Variants in PTPRR observed in about 807,000 individuals in gnomAD.
PTPRR encodes receptor-type tyrosine-protein phosphatase R.
PTPRR carries 38 observed loss-of-function variants against 77.2 expected under a neutral mutation model. The ratio of observed to expected loss-of-function variants is 0.49; its 90% CI spans 0.38 to 0.65. The LOEUF (loss-of-function observed/expected upper bound fraction) is 0.65. Ranked by LOEUF, PTPRR falls within the 30% of genes least tolerant of loss-of-function variation. The pLI is 0.00. For synonymous variants in PTPRR, 299 were observed against 283.1 expected (o/e 1.06, Z -0.57); for missense variants, 744 against 799.2 (o/e 0.93, Z 0.83).
At position 70,887,361 on chromosome 12, in the gene PTPRR, A is replaced by C. The variant is rs570588155; in HGVS notation, c.357+5318T>G. ...CAGCTACTTGAGAGGCTGAGGCAGG[A>C]GAATTGCTTGAACCCAGGAGGCGAA... is the stretch of plus-strand genomic sequence containing the variant. On this transcript the variant is annotated intron_variant, in intron 2 of 13. Transcript: ENST00000283228. 4.3e-3 allele frequency among the ~76,000 whole-genome samples: 661 copies of C among 152,222 alleles called. 24 individuals are homozygous for C. The highest frequency in any genetic ancestry group is 9.1e-4 in the Non-Finnish European group (62 of 68,020).
At chr12:70,702,055 A>G (rs1398602) in intron 6 of PTPRR, among the ~76,000 whole-genome samples, 135,503 of 152,192 alleles carry the variant, frequency 0.89, 60,634 homozygotes, top group East Asian at 1. Context: ...GTATGCACGC[A>G]TATGTGAATT....
intron 4 of PTPRR, among the ~76,000 whole-genome samples, chr12:70,755,686 A>G (rs1028351931): frequency 6.6e-5 from 10 of 152,154 alleles, no homozygotes; most frequent in Non-Finnish European, 1.5e-4. Context: ...ATAGATGCAT[A>G]GATACAAGAA....
chr12:70,681,184 G>T (rs1415794027), intron 10 of PTPRR, among the ~76,000 whole-genome samples: 1 of 152,184 alleles, frequency 6.6e-6, no homozygotes, highest in African/African-American at 2.4e-5. Flanking sequence ...TGTGTGTGAA[G>T]GTAGTGTAAT....
chr12:70,863,128 C>T (rs997137871), intron 2 of PTPRR, among the ~76,000 whole-genome samples: 3 of 152,124 alleles, frequency 2.0e-5, no homozygotes, highest in Non-Finnish European at 2.9e-5. Context: ...TAATAACTTA[C>T]ATTGTATCTA....
chr12:70,754,388 T>C, intron 4 of PTPRR, 87 bp from the exon 5 acceptor site: 1 of 1,586,680 alleles, frequency 6.3e-7, no homozygotes, highest in South Asian at 1.1e-5. Flanking sequence ...ATTTTTAGCC[T>C]TATTCCATTC....
chr12:70,823,892 A>C (rs1214302416), intron 2 of PTPRR, among the ~76,000 whole-genome samples: 4 of 152,150 alleles, frequency 2.6e-5, no homozygotes, highest in Admixed American at 2.6e-4. Flanking sequence ...GCCCTACTTC[A>C]ACTGTCTAAG....
In PTPRR at chr12:70,787,454, A is replaced by G. The variant is rs568550083; in HGVS notation, c.358-22676T>C. On this transcript the variant is annotated intron_variant, in intron 2 of 13. Coordinates refer to ENST00000283228, the MANE Select transcript of PTPRR (RefSeq NM_002849.4). Reference sequence around the variant, plus strand: ...GCAAGGTATTTTAGTGTACAAGGCTAAGAAGCCACATCTTCTTTAAAGCTT... The same window carrying G: ...GCAAGGTATTTTAGTGTACAAGGCTGAGAAGCCACATCTTCTTTAAAGCTT... Among the ~76,000 whole-genome samples, 202 of 152,332 alleles carry G rather than the reference A, an allele frequency of 1.3e-3. 1 individual carries two copies. The highest frequency in any genetic ancestry group is 4.5e-3 in the African/African-American group (188 of 41,582).
chr12:70,643,047 G>A (rs1886065434), intron 13 of PTPRR, among the ~76,000 whole-genome samples: 1 of 152,176 alleles, frequency 6.6e-6, no homozygotes, highest in Admixed American at 6.5e-5. Flanking sequence ...GTATATGCCT[G>A]TGGTCCCAAC....
chr12:70,679,019 A>G (rs990565477), intron 10 of PTPRR, among the ~76,000 whole-genome samples: 1 of 152,174 alleles, frequency 6.6e-6, no homozygotes, highest in Non-Finnish European at 1.5e-5. Context: ...TGTGTCATTA[A>G]GTTATCATCT....
intron 2 of PTPRR, among the ~76,000 whole-genome samples, chr12:70,782,296 C>T (rs553182614): frequency 1.3e-5 from 2 of 152,136 alleles, no homozygotes; most frequent in Middle Eastern, 3.4e-3. Flanking sequence ...CCTCAAGGAT[C>T]TAGAACTAGA....
intron 2 of PTPRR, among the ~76,000 whole-genome samples, chr12:70,833,312 T>G (rs192642856): frequency 6.6e-6 from 1 of 152,232 alleles, no homozygotes; most frequent in East Asian, 1.9e-4. Context: ...GGGTCTTGGC[T>G]CCTGTCATTT....
At chr12:70,675,178 T>C (rs993423148) in intron 10 of PTPRR, among the ~76,000 whole-genome samples, 1 of 152,066 alleles carries the variant, frequency 6.6e-6, no homozygotes, top group Non-Finnish European at 1.5e-5. Flanking sequence ...TTTTTTTCCA[T>C]CCTTTCCATT....
chr12:70,864,581 A>C (rs1460595178), intron 2 of PTPRR, among the ~76,000 whole-genome samples: 1 of 152,202 alleles, frequency 6.6e-6, no homozygotes, highest in African/African-American at 2.4e-5. Flanking sequence ...TCATTCATTC[A>C]ACACATATTT....
intron 1 of PTPRR, among the ~76,000 whole-genome samples, chr12:70,897,144 T>C (rs921816080): frequency 5.9e-5 from 9 of 151,842 alleles, no homozygotes; most frequent in Non-Finnish European, 1.3e-4. Context: ...AAAGACAAAA[T>C]TGACAAATGG....
intron 2 of PTPRR, among the ~76,000 whole-genome samples, chr12:70,769,051 T>G (rs1187585550): frequency 7.2e-6 from 1 of 139,056 alleles, no homozygotes; most frequent in Non-Finnish European, 1.5e-5. Flanking sequence ...ACAGCCAATA[T>G]CATACTGAAT....
chr12:70,874,712 A>G (rs975323012), intron 2 of PTPRR, among the ~76,000 whole-genome samples: 2 of 152,098 alleles, frequency 1.3e-5, no homozygotes, highest in African/African-American at 4.8e-5. Context: ...TCACGAGGTC[A>G]AGAGATTGAG....
chr12:70,787,109 CTT>C (rs1400426934), intron 2 of PTPRR, among the ~76,000 whole-genome samples: 1 of 152,154 alleles, frequency 6.6e-6, no homozygotes, highest in Non-Finnish European at 1.5e-5. Context: ...TGCAGCATAA[CTT>C]TGATGCACAA....
intron 6 of PTPRR, among the ~76,000 whole-genome samples, chr12:70,742,350 G>T (rs1244625501): frequency 3.3e-5 from 5 of 152,042 alleles, no homozygotes; most frequent in Non-Finnish European, 7.4e-5. Context: ...TTTTTGATTT[G>T]TAGACCCAGA....
intron 2 of PTPRR, among the ~76,000 whole-genome samples, chr12:70,809,815 A>G (rs1400291377): frequency 2.0e-5 from 3 of 152,216 alleles, no homozygotes; most frequent in East Asian, 1.9e-4. Context: ...GAAACTAAAC[A>G]TGACCACTAA....
Sources: gnomAD v4.1 joint callset for allele counts (sites outside exome capture counted in the v4.1 genomes callset) on GRCh38, gnomAD v4.1.1 for gene constraint, MANE v1.5 for transcripts, NCBI Gene and HGNC (gene_info 2026-07-23, HGNC 2026-07-21) for gene names.